The following COG5 variants were observed in gnomAD, a reference collection of about 807,000 sequenced individuals.
COG5 encodes component of oligomeric golgi complex 5.
A neutral mutation model predicts 110.4 loss-of-function variants in COG5; 86 were observed. The ratio of observed to expected loss-of-function variants is 0.78; its 90% CI spans 0.65 to 0.93. The LOEUF (loss-of-function observed/expected upper bound fraction) is 0.93. COG5 is among the 40% of genes least tolerant of loss of function. The probability of loss-of-function intolerance (pLI) is 0.00; values close to 1 mark genes in which losing one functional copy is unlikely to be tolerated. For missense variants in COG5, 1,077 were observed against 987.0 expected (o/e 1.09, Z -1.22); for synonymous variants, 360 against 334.6 (o/e 1.08, Z -0.83).
intron 7 of COG5, among the ~76,000 whole-genome samples, chr7:107,401,811 T>A (rs1260782231): frequency 6.6e-6 from 1 of 152,162 alleles, no homozygotes; most frequent in Non-Finnish European, 1.5e-5. Flanking sequence ...GCAAATGGTG[T>A]TTGTTGGGTC....
chr7:107,247,515 T>G (rs978381099), intron 17 of COG5, among the ~76,000 whole-genome samples: 1 of 152,154 alleles, frequency 6.6e-6, no homozygotes, highest in Non-Finnish European at 1.5e-5. Context: ...ACAACAAGAA[T>G]GTAAAGAGAA....
intron 10 of COG5, among the ~76,000 whole-genome samples, chr7:107,361,347 T>C (rs1246989775): frequency 6.6e-6 from 1 of 152,170 alleles, no homozygotes; most frequent in East Asian, 1.9e-4. Flanking sequence ...GAAAAATCAA[T>C]GACCTTCAGT....
intron 6 of COG5, among the ~76,000 whole-genome samples, chr7:107,420,618 G>A (rs1334481024): frequency 2.0e-5 from 3 of 152,074 alleles, no homozygotes; most frequent in Non-Finnish European, 4.4e-5. Flanking sequence ...GTGCAACCAC[G>A]CCTGGCTAAT....
chr7:107,529,244 G>A (rs906715434), intron 5 of COG5, among the ~76,000 whole-genome samples: 1 of 152,174 alleles, frequency 6.6e-6, no homozygotes, highest in Non-Finnish European at 1.5e-5. Context: ...TATTGTTGCA[G>A]GTAGTTAGAC....
chr7:107,303,131 T>C (rs1807416037), intron 11 of COG5, among the ~76,000 whole-genome samples: 1 of 152,122 alleles, frequency 6.6e-6, no homozygotes, highest in African/African-American at 2.4e-5. Context: ...GGTCTCACTT[T>C]GTTGCCCAGG....
chr7:107,407,045 G>A (rs1467469666), intron 7 of COG5, among the ~76,000 whole-genome samples: 1 of 152,134 alleles, frequency 6.6e-6, no homozygotes, highest in Admixed American at 6.5e-5. Flanking sequence ...TCTTTGAGAA[G>A]TAATTATCAA....
Position 107,356,111 on chromosome 7 carries a change from CAAT to C in COG5, c.1026+5919_1026+5921del, listed in dbSNP as rs201847743. The stretch of plus-strand genomic sequence containing the variant: ...TAGATATTGAACTACAATAAAAGGA[CAAT>C]AATTATAAAAATTATTTAACAAAGG... On this transcript the variant is annotated intron_variant, in intron 10 of 21. Transcript: ENST00000297135. 6.4e-3 allele frequency among the ~76,000 whole-genome samples: 966 copies of C among 151,816 alleles called. 1 individual carries two copies. The highest frequency in any genetic ancestry group is 0.01 in the Non-Finnish European group (693 of 67,920).
intron 6 of COG5, among the ~76,000 whole-genome samples, chr7:107,430,282 A>G (rs553388323): frequency 6.6e-6 from 1 of 152,244 alleles, no homozygotes; most frequent in South Asian, 2.1e-4. Context: ...TGAGGAAGTG[A>G]TATATATTCA....
At chr7:107,260,557 C>G (rs1803252069) in intron 14 of COG5, among the ~76,000 whole-genome samples, 2 of 152,072 alleles carry the variant, frequency 1.3e-5, no homozygotes, top group Admixed American at 1.3e-4. Flanking sequence ...TGAATTATAT[C>G]TTAATAAAAC....
Position 107,210,435 on chromosome 7 carries a change from C to A in COG5, c.2375+91G>T. 4 of 1,532,286 alleles carry A rather than the reference C, an allele frequency of 2.6e-6. No individual in the cohort carries two copies. In the Admixed American group the frequency reaches 7.9e-5, roughly 30 times the overall value. 94.9% of individuals were successfully genotyped at this position (1,532,286 alleles called of 1,614,324 possible). On this transcript the variant is annotated intron_variant, in intron 21 of 21. Coordinates refer to ENST00000297135, the MANE Select transcript of COG5 (RefSeq NM_006348.5). ...TGGAAGGTGCAGTCACATGTCCATG[C>A]CCCCAGGCACTGCTCCTTCATCCTC...
At chr7:107,367,233 A>C (rs1342595891) in intron 8 of COG5, among the ~76,000 whole-genome samples, 1 of 152,064 alleles carries the variant, frequency 6.6e-6, no homozygotes, top group African/African-American at 2.4e-5. Flanking sequence ...AAAACACACC[A>C]CCAACTACAC....
At chr7:107,278,039 C>T (rs1214108951) in intron 14 of COG5, among the ~76,000 whole-genome samples, 1 of 151,996 alleles carries the variant, frequency 6.6e-6, no homozygotes, top group Non-Finnish European at 1.5e-5. Context: ...ACTAAGTATA[C>T]TAAAACGTTT....
intron 13 of COG5, 102 bp downstream of exon 13, chr7:107,283,469 A>T: frequency 2.0e-6 from 2 of 1,006,330 alleles, no homozygotes; most frequent in Non-Finnish European, 1.5e-6. Context: ...GGGCCTAATT[A>T]CTTGAATAAT....
chr7:107,384,546 A>T (rs1398398829), intron 7 of COG5, among the ~76,000 whole-genome samples: 1 of 152,072 alleles, frequency 6.6e-6, no homozygotes, highest in Non-Finnish European at 1.5e-5. Flanking sequence ...ACTGTGCTTC[A>T]CTCACCCTTC....
At chr7:107,270,258 CT>C (rs10611550) in intron 14 of COG5, among the ~76,000 whole-genome samples, 11,515 of 138,194 alleles carry the variant, frequency 0.083, 1,158 homozygotes, top group African/African-American at 0.26. Flanking sequence ...CTCACACGTG[CT>C]TTTTTTTTTT....
intron 19 of COG5, among the ~76,000 whole-genome samples, chr7:107,227,132 C>A (rs1472440097): frequency 6.6e-6 from 1 of 152,154 alleles, no homozygotes; most frequent in Non-Finnish European, 1.5e-5. Context: ...CGTGAGAAAT[C>A]TGAGAAATGG....
intron 19 of COG5, among the ~76,000 whole-genome samples, chr7:107,222,205 C>CTTT (rs796500223): frequency 6.9e-6 from 1 of 145,584 alleles, no homozygotes; most frequent in Non-Finnish European, 1.5e-5. Context: ...CTGTCCCCCC[C>CTTT]TTTTTTTTTT....
chr7:107,325,085 C>A (rs1052327002), intron 10 of COG5, among the ~76,000 whole-genome samples: 1 of 151,984 alleles, frequency 6.6e-6, no homozygotes, highest in African/African-American at 2.4e-5. Flanking sequence ...TTTAAAAAAA[C>A]TCAAAGGAAT....
At chr7:107,348,344 AG>A (rs1811823936) in intron 10 of COG5, among the ~76,000 whole-genome samples, 1 of 152,188 alleles carries the variant, frequency 6.6e-6, no homozygotes, top group African/African-American at 2.4e-5. Flanking sequence ...GAGTTGGGCA[AG>A]GGGTCTTCTC....
Sources: gnomAD v4.1 joint callset for allele counts (sites outside exome capture counted in the v4.1 genomes callset) on GRCh38, gnomAD v4.1.1 for gene constraint, MANE v1.5 for transcripts, NCBI Gene and HGNC (gene_info 2026-07-23, HGNC 2026-07-21) for gene names.